Variants in ASCC3 observed in about 807,000 individuals in gnomAD.
The protein encoded by ASCC3 is activating signal cointegrator 1 complex subunit 3.
A neutral mutation model predicts 256.3 loss-of-function variants in ASCC3; 158 were observed. The observed-to-expected ratio is 0.62, with a 90% CI of 0.54 to 0.70. The LOEUF (loss-of-function observed/expected upper bound fraction) is 0.70. Among genes scored for constraint, ASCC3 ranks in the 30% least tolerant of loss-of-function variants. ASCC3 has a pLI of 0.00. For missense variants in ASCC3, 2,259 were observed against 2,626.0 expected, an observed-to-expected ratio of 0.86 and a Z score of 3.05; for synonymous variants, 948 against 883.4, an observed-to-expected ratio of 1.07 and a Z score of -1.30.
In ASCC3 at chr6:100,606,790, G is replaced by A; in HGVS notation, c.4994C>T (p.Thr1665Ile). The A allele has an allele frequency of 6.2e-7, 1 of 1,611,442 alleles. No homozygotes were observed. Among genetic ancestry groups the A allele is most frequent in the African/African-American group, 1.3e-5 (1 of 74,950 alleles). ...FPAHLVIIKG[T>I]EYYDGKTRRY... ...TCTTGTTTTTCCATCATAGTATTCT[G>A]TTCCCTTAATAATTACTAAATGAGC... The change falls in exon 32 of 42, where the codon ACA becomes ATA. Residue 1665 changes from threonine (T) to isoleucine (I), a missense_variant. Around this residue, in one of 2 missense-constraint regions of ASCC3, gnomAD observed 1,839 missense variants for 2,206.7 expected, o/e 0.83. Transcript: ENST00000369162.
intron 14 of ASCC3, among the ~76,000 whole-genome samples, chr6:100,675,127 G>GTTT (rs1275237746): frequency 1.1e-4 from 12 of 111,164 alleles, no homozygotes; most frequent in Non-Finnish European, 1.9e-4. Context: ...TAAGCAAACA[G>GTTT]TTGTTTTTTT....
rs138456272 is a variant in ASCC3, at chr6:100,774,131, T to C, written c.1396-6786A>G. 5.3e-3 allele frequency among the ~76,000 whole-genome samples: 814 copies of C among 152,292 alleles called. 3 individuals carry two copies. Among genetic ancestry groups the C allele is most frequent in the Middle Eastern group, 0.024 (7 of 294 alleles). On this transcript the variant is annotated intron_variant, in intron 8 of 41. Coordinates refer to ENST00000369162, the MANE Select transcript of ASCC3 (RefSeq NM_006828.4). ...AACAAAAGTCAGACAATTTTTAAAA[T>C]GATCCTTAAAACTGACTAGTTTCTG...
chr6:100,830,419 G>A (rs1360757002), intron 4 of ASCC3, among the ~76,000 whole-genome samples: 1 of 152,110 alleles, frequency 6.6e-6, no homozygotes, highest in Non-Finnish European at 1.5e-5. Flanking sequence ...ACATTTGTAT[G>A]AGATATATTA....
rs1272796251 is a variant in ASCC3 at position 100,727,683 on chromosome 6, A to AC, written c.1738-1981_1738-1980insG. On this transcript the variant is annotated intron_variant, in intron 10 of 41. Transcript: ENST00000369162. Reference sequence around the variant, plus strand: ...CAACAACAACAACAACAACAACAAAAAAGGGTCTAAATATGTTTTATTCAT... The same window carrying AC: ...CAACAACAACAACAACAACAACAAAACAAGGGTCTAAATATGTTTTATTCAT... Among the ~76,000 whole-genome samples the AC allele has an allele frequency of 1.2e-4, 15 of 124,626 alleles. 1 individual carries two copies. Among genetic ancestry groups the AC allele is most frequent in the Non-Finnish European group, 1.8e-4 (12 of 66,348 alleles). 81.8% of individuals were successfully genotyped at this position (124,626 alleles called of 152,430 possible).
chr6:100,806,024 T>C (rs1293227811), intron 4 of ASCC3, 144 bp from the exon 5 acceptor site: 5 of 704,216 alleles, frequency 7.1e-6, no homozygotes, highest in Non-Finnish European at 1.1e-5. Context: ...TACCTTAAAC[T>C]AAGAAAAATG....
At chr6:100,596,153 T>C (rs1179912809) in intron 34 of ASCC3, among the ~76,000 whole-genome samples, 1 of 152,148 alleles carries the variant, frequency 6.6e-6, no homozygotes, top group African/African-American at 2.4e-5. Flanking sequence ...TTTTTTGCCA[T>C]CCCTTTTATT....
intron 36 of ASCC3, among the ~76,000 whole-genome samples, chr6:100,571,339 T>A (rs1176473084): frequency 6.6e-6 from 1 of 152,206 alleles, no homozygotes. Flanking sequence ...TTTACCATCA[T>A]AAACTATCCT....
At chr6:100,535,435 A>G (rs1056122485) in intron 37 of ASCC3, among the ~76,000 whole-genome samples, 1 of 147,634 alleles carries the variant, frequency 6.8e-6, no homozygotes, top group Non-Finnish European at 1.5e-5. Flanking sequence ...TCCAAGAGTG[A>G]GAGGATTTAG....
chr6:100,857,264 T>C (rs551542852), intron 3 of ASCC3: 1 of 152,240 alleles, frequency 6.6e-6, no homozygotes, highest in Non-Finnish European at 1.5e-5. Context: ...CCTTTCCTTA[T>C]TGATTTGTAG....
intron 36 of ASCC3, among the ~76,000 whole-genome samples, chr6:100,582,955 T>A (rs1313998827): frequency 6.6e-6 from 1 of 152,186 alleles, no homozygotes; most frequent in Non-Finnish European, 1.5e-5. Flanking sequence ...TCATGGTGGA[T>A]AAGCTTTTTG....
chr6:100,562,570 CACTG>C (rs1270395077), intron 36 of ASCC3, among the ~76,000 whole-genome samples: 1 of 151,986 alleles, frequency 6.6e-6, no homozygotes, highest in Non-Finnish European at 1.5e-5. Context: ...CACTTTTTCC[CACTG>C]ATTCCCTTTC....
chr6:100,530,573 C>A, intron 37 of ASCC3: 1 of 785,986 alleles, frequency 1.3e-6, no homozygotes, highest in Non-Finnish European at 2.4e-6. Context: ...ATCCAGCCAG[C>A]ATTAGTGTGT....
At chr6:100,571,308 A>T (rs916082661) in intron 36 of ASCC3, among the ~76,000 whole-genome samples, 12 of 152,216 alleles carry the variant, frequency 7.9e-5, no homozygotes, top group Non-Finnish European at 1.6e-4. Context: ...TTCAAATATC[A>T]TCTTCTCAGA....
At chr6:100,718,378 G>T in intron 11 of ASCC3, 127 bp from the exon 12 acceptor site, 1 of 677,066 alleles carries the variant, frequency 1.5e-6, no homozygotes, top group Non-Finnish European at 2.4e-6. Context: ...TCAATTGAGG[G>T]TCCTATCATG....
intron 33 of ASCC3, 91 bp from the exon 34 acceptor site, chr6:100,602,026 G>A (rs1333084459): frequency 1.4e-6 from 2 of 1,427,770 alleles, no homozygotes; most frequent in Non-Finnish European, 1.9e-6. Context: ...CAGATTTTAT[G>A]TTCTAAGATA....
intron 1 of ASCC3, among the ~76,000 whole-genome samples, chr6:100,879,178 G>A (rs901132279): frequency 6.6e-6 from 1 of 152,132 alleles, no homozygotes; most frequent in African/African-American, 2.4e-5. Context: ...ATAAGGGAAG[G>A]GAATTTCCAT....
At chr6:100,737,164 G>C (rs1365756186) in intron 10 of ASCC3, among the ~76,000 whole-genome samples, 1 of 151,120 alleles carries the variant, frequency 6.6e-6, no homozygotes, top group African/African-American at 2.4e-5. Context: ...AAAAAAAGGC[G>C]GGGGAGGCAG....
intron 36 of ASCC3, among the ~76,000 whole-genome samples, chr6:100,552,280 CCTT>C: frequency 6.6e-6 from 1 of 151,886 alleles, no homozygotes; most frequent in Admixed American, 6.6e-5. Context: ...ATGTAAGTGT[CCTT>C]CACTATGTAA....
intron 10 of ASCC3, among the ~76,000 whole-genome samples, chr6:100,735,503 C>A (rs969549495): frequency 6.6e-6 from 1 of 151,348 alleles, no homozygotes; most frequent in Non-Finnish European, 1.5e-5. Context: ...GTGAAGAGTC[C>A]ATTCAGTAAA....
Sources: gnomAD v4.1 joint callset for allele counts (sites outside exome capture counted in the v4.1 genomes callset) on GRCh38, gnomAD v4.1.1 for gene constraint, gnomAD v4.1.1 regional missense constraint, MANE v1.5 for transcripts, NCBI Gene and HGNC (gene_info 2026-07-23, HGNC 2026-07-21) for gene names.